DNAAF9: variants seen among roughly 807,000 people sequenced by gnomAD.
The protein encoded by DNAAF9 is shulin.
A neutral mutation model predicts 167.0 loss-of-function variants in DNAAF9; 90 were observed. The ratio of observed to expected loss-of-function variants is 0.54; its 90% confidence interval spans 0.45 to 0.64. DNAAF9 has a LOEUF of 0.64. DNAAF9 is among the 30% of genes least tolerant of loss of function. The probability of loss-of-function intolerance (pLI) is 0.00; values close to 1 mark genes in which losing one functional copy is unlikely to be tolerated. For synonymous variants in DNAAF9, 491 were observed against 508.8 expected, an observed-to-expected ratio of 0.96 and a Z score of 0.47; for missense variants, 1,315 against 1,442.2, an observed-to-expected ratio of 0.91 and a Z score of 1.43.
chr20:3,276,713 G>C (rs952222133), intron 29 of DNAAF9, among the ~76,000 whole-genome samples: 1 of 152,190 alleles, frequency 6.6e-6, no homozygotes, highest in Non-Finnish European at 1.5e-5. Context: ...AAGGAGCTGA[G>C]GTGCACTAGG....
At chr20:3,339,820 G>A (rs2070042489) in intron 10 of DNAAF9, among the ~76,000 whole-genome samples, 1 of 152,194 alleles carries the variant, frequency 6.6e-6, no homozygotes, top group Admixed American at 6.5e-5. Flanking sequence ...AGCCTGGGAG[G>A]TCAAGGCTGC....
rs1491207193 is a variant in DNAAF9, at chr20:3,310,388, A to AGAAAGAAAGAAAGAAT, written c.1678+4644_1678+4645insATTCTTTCTTTCTTTC. Among the ~76,000 whole-genome samples the AGAAAGAAAGAAAGAAT allele has an allele frequency of 7.7e-4, 116 of 151,170 alleles. 2 individuals are homozygous for AGAAAGAAAGAAAGAAT. The highest frequency in any genetic ancestry group is 1.9e-3 in the South Asian group (9 of 4,790). On this transcript the variant is annotated intron_variant, in intron 20 of 36. Coordinates refer to ENST00000252032, the MANE Select transcript of DNAAF9 (RefSeq NM_001009984.3). ...AAGAAAGAAAGAAAGAAAGAAAGAA[A>AGAAAGAAAGAAAGAAT]GAATTCCTAAAATAGGCCAGGCGCA...
At chr20:3,361,205 A>C (rs1031188047) in intron 6 of DNAAF9, among the ~76,000 whole-genome samples, 10 of 152,168 alleles carry the variant, frequency 6.6e-5, no homozygotes, top group African/African-American at 1.9e-4. Flanking sequence ...CCCCTCGATA[A>C]AGGTGGGGGA....
intron 6 of DNAAF9, chr20:3,362,107 G>T: frequency 7.2e-7 from 1 of 1,385,614 alleles, no homozygotes; most frequent in Non-Finnish European, 1.0e-6. Context: ...TGAGTATTTA[G>T]GTCCATATTC....
chr20:3,357,225 A>G (rs1263599295), intron 7 of DNAAF9, among the ~76,000 whole-genome samples: 1 of 151,906 alleles, frequency 6.6e-6, no homozygotes, highest in African/African-American at 2.4e-5. Context: ...TAATCCCAGC[A>G]CTTTGGGAGG....
intron 21 of DNAAF9, among the ~76,000 whole-genome samples, chr20:3,300,743 G>A (rs1385105698): frequency 2.7e-5 from 4 of 149,150 alleles, no homozygotes; most frequent in Non-Finnish European, 4.4e-5. Context: ...TTGTAGAGAC[G>A]GAGTTTCACC....
intron 25 of DNAAF9, among the ~76,000 whole-genome samples, chr20:3,291,449 T>C (rs997720534): frequency 6.6e-6 from 1 of 151,588 alleles, no homozygotes; most frequent in Non-Finnish European, 1.5e-5. Context: ...GTTCAAGTGA[T>C]TCTCCTGCCT....
chr20:3,338,089 C>CACAT (rs1035685893), intron 10 of DNAAF9, among the ~76,000 whole-genome samples: 1 of 149,318 alleles, frequency 6.7e-6, no homozygotes, highest in Admixed American at 6.7e-5. Context: ...TATATATACA[C>CACAT]ACATACATAC....
chr20:3,257,338 T>C (rs574548229), intron 33 of DNAAF9, among the ~76,000 whole-genome samples: 2 of 151,670 alleles, frequency 1.3e-5, no homozygotes, highest in Admixed American at 6.6e-5. Flanking sequence ...TAGGGAGACC[T>C]TGTCTCCACA....
intron 33 of DNAAF9, among the ~76,000 whole-genome samples, chr20:3,258,656 T>C (rs1296578003): frequency 2.0e-5 from 3 of 152,072 alleles, no homozygotes; most frequent in African/African-American, 7.2e-5. Flanking sequence ...GGCAGGAACC[T>C]GAAAGACAAG....
intron 29 of DNAAF9, among the ~76,000 whole-genome samples, chr20:3,275,388 G>A (rs1266214697): frequency 2.0e-5 from 3 of 152,288 alleles, no homozygotes; most frequent in Non-Finnish European, 4.4e-5. Context: ...CCATATGAAC[G>A]GTGGTGCACC....
intron 14 of DNAAF9, among the ~76,000 whole-genome samples, chr20:3,323,274 CTTTTTTTTTT>C (rs71195835): frequency 2.9e-5 from 2 of 69,110 alleles, no homozygotes; most frequent in East Asian, 9.7e-4. Context: ...GTGAAGTAAT[CTTTTTTTTTT>C]TTTTTTTTTT....
rs117124555 is a variant in DNAAF9 at position 3,315,304 on chromosome 20, T to A, written c.1591-184A>T. Among the ~76,000 whole-genome samples, 582 of 152,334 alleles carry A rather than the reference T, an allele frequency of 3.8e-3. 1 individual carries two copies. The highest frequency in any genetic ancestry group is 6.8e-3 in the Middle Eastern group (2 of 294). ...GGCTCTTTGGCAGTTACTGGCATCCTTGATTTGTGCTGAGAAAAAGAACAT... is the reference window on the plus strand; with the variant it reads ...GGCTCTTTGGCAGTTACTGGCATCCATGATTTGTGCTGAGAAAAAGAACAT... On this transcript the variant is annotated intron_variant, in intron 19 of 36. Transcript: ENST00000252032. The surrounding 1 kb of genome is among the most constrained non-coding windows in gnomAD (Gnocchi z 4.1).
chr20:3,299,571 C>G (rs1313427672), intron 21 of DNAAF9, among the ~76,000 whole-genome samples: 2 of 152,252 alleles, frequency 1.3e-5, no homozygotes, highest in South Asian at 4.1e-4. Context: ...CTTGGCCTCC[C>G]AAAGTGCTGC....
At chr20:3,357,471 C>A (rs6051783) in intron 7 of DNAAF9, among the ~76,000 whole-genome samples, 33,051 of 151,474 alleles carry the variant, frequency 0.22, 3,847 homozygotes, top group African/African-American at 0.27. Context: ...GACTCTGTCT[C>A]AAAAAAATAA....
Position 3,251,587 on chromosome 20 carries a change from C to G in DNAAF9, c.*985G>C, listed in dbSNP as rs1376379582. On this transcript the variant is annotated 3_prime_UTR_variant, in exon 37 of 37. Transcript: ENST00000252032. ...TTTGAAATTCCCAATCCTCAGGAGCCACACAAGCCCAGGGCCAGCAACAAC... is the reference window on the plus strand; with the variant it reads ...TTTGAAATTCCCAATCCTCAGGAGCGACACAAGCCCAGGGCCAGCAACAAC... The G allele has an allele frequency of 6.6e-6, 1 of 152,244 alleles. No homozygotes were observed. Among genetic ancestry groups the G allele is most frequent in the Non-Finnish European group, 1.5e-5 (1 of 68,064 alleles). The allele number at this position is 152,244 out of a possible 1,614,324, so 9.4% of individuals were successfully genotyped here. A position where few individuals can be genotyped will look rare whatever the true frequency, so the allele number is the denominator to read the frequency against.
intron 30 of DNAAF9, among the ~76,000 whole-genome samples, chr20:3,268,880 A>AT (rs1431144605): frequency 1.4e-5 from 2 of 139,450 alleles, no homozygotes; most frequent in Non-Finnish European, 3.2e-5. Flanking sequence ...AAGTAAAGAG[A>AT]TAATATCTCT....
chr20:3,379,133 G>A (rs1433421064), intron 3 of DNAAF9, among the ~76,000 whole-genome samples: 1 of 151,830 alleles, frequency 6.6e-6, no homozygotes, highest in Non-Finnish European at 1.5e-5. Flanking sequence ...ACAGTAAAAT[G>A]TAACATGCCT....
At chr20:3,378,115 T>A (rs1272863813) in intron 3 of DNAAF9, among the ~76,000 whole-genome samples, 2 of 152,164 alleles carry the variant, frequency 1.3e-5, no homozygotes, top group Admixed American at 6.5e-5. Context: ...CATAGTCACA[T>A]CTATGGGACC....
Sources: allele counts gnomAD v4.1 joint callset (sites outside exome capture counted in the v4.1 genomes callset), GRCh38; gene constraint gnomAD v4.1.1; non-coding constraint Gnocchi (gnomAD v3.1); transcripts MANE v1.5; gene names NCBI Gene and HGNC (gene_info 2026-07-23, HGNC 2026-07-21).